Variants in MTPN observed in about 807,000 individuals in gnomAD.
The protein encoded by MTPN is granule cell differentiation protein.
MTPN carries 2 observed loss-of-function variants against 13.5 expected under a neutral mutation model. The observed-to-expected ratio is 0.15, with a 90% CI of 0.06 to 0.47. MTPN has a LOEUF of 0.47. MTPN is among the 20% of genes least tolerant of loss of function. The pLI is 0.97. For synonymous variants in MTPN, 46 were observed against 51.7 expected, an observed-to-expected ratio of 0.89 and a Z score of 0.48; for missense variants, 79 against 137.9, an observed-to-expected ratio of 0.57 and a Z score of 2.14.
At chr7:135,965,111 C>T (rs536390992) in intron 1 of MTPN, among the ~76,000 whole-genome samples, 6 of 152,234 alleles carry the variant, frequency 3.9e-5, no homozygotes, top group Non-Finnish European at 5.9e-5. Context: ...TGTCTCCCAA[C>T]TCTTGCTATT....
chr7:135,931,832 T>A (rs1456891764), intron 3 of MTPN, among the ~76,000 whole-genome samples: 1 of 152,176 alleles, frequency 6.6e-6, no homozygotes, highest in East Asian at 1.9e-4. Context: ...AAAATTTTAA[T>A]TCTTAATTAT....
chr7:135,971,352 A>G (rs4142515), intron 1 of MTPN, among the ~76,000 whole-genome samples: 71,770 of 152,028 alleles, frequency 0.47, 17,238 homozygotes, highest in East Asian at 0.59. Flanking sequence ...ACCTGTAAGC[A>G]TGTTGGATCC....
intron 3 of MTPN, among the ~76,000 whole-genome samples, chr7:135,939,376 C>T (rs557797921): frequency 6.6e-6 from 1 of 152,068 alleles, no homozygotes; most frequent in Admixed American, 6.6e-5. Context: ...ACACAACCCA[C>T]TTCCAACCCG....
intron 3 of MTPN, among the ~76,000 whole-genome samples, chr7:135,949,107 C>A (rs1315002285): frequency 6.6e-6 from 1 of 152,168 alleles, no homozygotes; most frequent in Non-Finnish European, 1.5e-5. Flanking sequence ...CAAGCTGTGC[C>A]TCAACTGTAC....
rs1799703858 is a variant in MTPN, at chr7:135,972,209, A to G, written c.72+4820T>C. 6.9e-5 allele frequency among the ~76,000 whole-genome samples: 6 copies of G among 86,926 alleles called. No homozygotes were observed. The South Asian group carries it at 2.3e-3, about 33-fold the overall frequency. 57.0% of individuals were successfully genotyped at this position (86,926 alleles called of 152,430 possible). A position where few individuals can be genotyped will look rare whatever the true frequency, so the allele number is the denominator to read the frequency against. On this transcript the variant is annotated intron_variant, in intron 1 of 3. Coordinates refer to ENST00000393085, the MANE Select transcript of MTPN (RefSeq NM_145808.4). ...CAAACTGATATGGTTATAAATACAC[A>G]CGCGCACACGCGCACGCGCGCGCAC...
intron 1 of MTPN, among the ~76,000 whole-genome samples, chr7:135,974,456 C>G (rs761289749): frequency 1.4e-4 from 21 of 152,044 alleles, no homozygotes; most frequent in Non-Finnish European, 2.5e-4. Context: ...TTACAGTGAG[C>G]TATGATCACG....
chr7:135,957,248 A>G (rs1370834194), intron 1 of MTPN, among the ~76,000 whole-genome samples: 1 of 152,220 alleles, frequency 6.6e-6, no homozygotes, highest in Non-Finnish European at 1.5e-5. Context: ...TCTGGTGAGT[A>G]GTTTAAATTA....
chr7:135,957,580 ATTAT>A (rs753300455), intron 1 of MTPN, among the ~76,000 whole-genome samples: 138 of 152,286 alleles, frequency 9.1e-4, no homozygotes, highest in Admixed American at 4.0e-3. Context: ...GGAGAACCTA[ATTAT>A]TATATCATTT....
intron 1 of MTPN, among the ~76,000 whole-genome samples, chr7:135,969,818 TA>T (rs1799664893): frequency 6.6e-6 from 1 of 152,218 alleles, no homozygotes; most frequent in South Asian, 2.1e-4. Context: ...TTCCCTAATT[TA>T]TAGAGTTTAT....
intron 1 of MTPN, among the ~76,000 whole-genome samples, chr7:135,953,148 CTCCT>C (rs1174593431): frequency 6.6e-6 from 1 of 152,130 alleles, no homozygotes; most frequent in Non-Finnish European, 1.5e-5. Context: ...TGCCTGCTCC[CTCCT>C]TCCTTCCCAT....
At chr7:135,968,799 A>G (rs915471416) in intron 1 of MTPN, among the ~76,000 whole-genome samples, 1 of 151,958 alleles carries the variant, frequency 6.6e-6, no homozygotes, top group African/African-American at 2.4e-5. Flanking sequence ...AATCATCCTA[A>G]TATTTTTCTT....
chr7:135,930,037 T>C lies in MTPN; in HGVS notation c.271-25A>G, dbSNP rs1354275023. Reference sequence around the variant, plus strand: ...CCTGGAAAAGAGAGGAAAGGGCTCATTAAATGAGCCCACAACTGGGGGAAG... The same window carrying C: ...CCTGGAAAAGAGAGGAAAGGGCTCACTAAATGAGCCCACAACTGGGGGAAG... On this transcript the variant is annotated intron_variant, in intron 3 of 3. Transcript: ENST00000393085. The C allele has an allele frequency of 2.5e-6, 4 of 1,589,906 alleles. No individual in the cohort carries two copies. In the Admixed American group the frequency reaches 5.0e-5, roughly 20 times the overall value.
chr7:135,933,122 AGAT>A (rs1448735847), intron 3 of MTPN, among the ~76,000 whole-genome samples: 6 of 148,974 alleles, frequency 4.0e-5, no homozygotes, highest in Admixed American at 1.3e-4. Flanking sequence ...AAAAAAAAAA[AGAT>A]GAACCAGTTT....
intron 1 of MTPN, among the ~76,000 whole-genome samples, chr7:135,966,880 C>T (rs1390195242): frequency 6.6e-6 from 1 of 152,116 alleles, no homozygotes; most frequent in Non-Finnish European, 1.5e-5. Context: ...TCCTCAAGCA[C>T]AGGAAGAAGC....
intron 1 of MTPN, among the ~76,000 whole-genome samples, chr7:135,957,826 C>T (rs1200409258): frequency 2.0e-5 from 3 of 152,024 alleles, no homozygotes; most frequent in Non-Finnish European, 4.4e-5. Context: ...CTCCTCCCTC[C>T]CTTGCTTCCT....
intron 1 of MTPN, among the ~76,000 whole-genome samples, chr7:135,968,908 T>G (rs1013240280): frequency 2.0e-5 from 3 of 151,950 alleles, no homozygotes; most frequent in African/African-American, 7.3e-5. Context: ...CACACATCAT[T>G]AAATCAGTTT....
chr7:135,958,993 C>A (rs992332063), intron 1 of MTPN, among the ~76,000 whole-genome samples: 23 of 152,098 alleles, frequency 1.5e-4, no homozygotes, highest in Admixed American at 1.3e-4. Flanking sequence ...CCATTGCCAC[C>A]ACATACATAT....
chr7:135,940,495 G>A (rs529200326), intron 3 of MTPN, among the ~76,000 whole-genome samples: 2 of 152,222 alleles, frequency 1.3e-5, no homozygotes, highest in African/African-American at 4.8e-5. Flanking sequence ...TAGCAGTTTT[G>A]AGTTTTTAAT....
chr7:135,938,652 C>T (rs926649984), intron 3 of MTPN, among the ~76,000 whole-genome samples: 2 of 152,154 alleles, frequency 1.3e-5, no homozygotes, highest in African/African-American at 4.8e-5. Flanking sequence ...ATTTTTATTT[C>T]AAACACAGAC....
Sources: allele counts gnomAD v4.1 joint callset (sites outside exome capture counted in the v4.1 genomes callset), GRCh38; gene constraint gnomAD v4.1.1; transcripts MANE v1.5; gene names NCBI Gene and HGNC (gene_info 2026-07-23, HGNC 2026-07-21).